The following SLC30A7 variants were observed in gnomAD, a reference collection of about 807,000 sequenced individuals.
SLC30A7 encodes the protein solute carrier family 30 member 7, also known as zinc transporter 7.
SLC30A7 carries 35 observed loss-of-function variants against 46.0 expected under a neutral mutation model. The ratio of observed to expected loss-of-function variants is 0.76; its 90% CI spans 0.58 to 1.01. SLC30A7 has a LOEUF of 1.01. Among genes scored for constraint, SLC30A7 ranks in the 50% least tolerant of loss-of-function variants. The probability of loss-of-function intolerance (pLI) is 0.00; values close to 1 mark genes in which losing one functional copy is unlikely to be tolerated. For synonymous variants in SLC30A7, 147 were observed against 157.8 expected, an observed-to-expected ratio of 0.93 and a Z score of 0.51; for missense variants, 464 against 451.1, an observed-to-expected ratio of 1.03 and a Z score of -0.26.
intron 8 of SLC30A7, among the ~76,000 whole-genome samples, chr1:100,928,836 C>T (rs922903802): frequency 6.6e-6 from 1 of 152,094 alleles, no homozygotes; most frequent in African/African-American, 2.4e-5. Context: ...AATTATTGAA[C>T]TTCTACTATA....
chr1:100,915,831 T>A (rs1391304123), intron 6 of SLC30A7, among the ~76,000 whole-genome samples: 3 of 152,218 alleles, frequency 2.0e-5, no homozygotes, highest in Non-Finnish European at 4.4e-5. Flanking sequence ...ATTATTGTTT[T>A]TTTGAGGACC....
chr1:100,901,181 A>G (rs1651286334), intron 2 of SLC30A7, among the ~76,000 whole-genome samples: 1 of 152,216 alleles, frequency 6.6e-6, no homozygotes, highest in African/African-American at 2.4e-5. Context: ...GCTAACGAGT[A>G]TTCAGGAGTC....
rs1032748339 is a variant in SLC30A7, at chr1:100,941,729, G to T, written c.842+19888G>T. 9.4e-6 allele frequency: 6 copies of T among 640,372 alleles called. No homozygotes were observed. The East Asian group carries it at 1.0e-4, about 11-fold the overall frequency. 39.7% of individuals were successfully genotyped at this position (640,372 alleles called of 1,614,324 possible). ...TCCACAACTCTTCCATCCACCTTGT[G>T]TAGCTTTGCATTCATGACTGCATCT... On this transcript the variant is annotated intron_variant, in intron 8 of 10. Coordinates refer to ENST00000357650, the MANE Select transcript of SLC30A7 (RefSeq NM_133496.5).
intron 8 of SLC30A7, among the ~76,000 whole-genome samples, chr1:100,943,254 G>A (rs1283668700): frequency 6.6e-6 from 1 of 152,058 alleles, no homozygotes; most frequent in East Asian, 1.9e-4. Context: ...CCCCCTCCTT[G>A]GATTCGATTA....
chr1:100,994,994 A>C, the SLC30A7 span: 1 of 675,638 alleles, frequency 1.5e-6, no homozygotes. Flanking sequence ...TAATGTTCAC[A>C]CTGTTAATGA....
At chr1:100,958,216 A>C (rs112562500) in intron 8 of SLC30A7, among the ~76,000 whole-genome samples, 9 of 151,450 alleles carry the variant, frequency 5.9e-5, no homozygotes, top group Admixed American at 5.9e-4. Context: ...TCGCTCTGTC[A>C]CCCAGGCTGG....
At chr1:100,995,291 A>G in the SLC30A7 span, 1 of 540,906 alleles carries the variant, frequency 1.8e-6, no homozygotes, top group South Asian at 2.2e-5. Flanking sequence ...TTACAGTAAC[A>G]TAGAGAAGAA....
At chr1:100,927,168 T>C (rs1557988432) in intron 8 of SLC30A7, among the ~76,000 whole-genome samples, 1 of 152,120 alleles carries the variant, frequency 6.6e-6, no homozygotes, top group Non-Finnish European at 1.5e-5. Context: ...GAAATTTGGG[T>C]GTCATCAGAT....
rs796414529 is a variant in SLC30A7 at position 100,915,149 on chromosome 1, C to CCCTT, written c.655+1346_655+1347insTCCT. ...CTTTTCTTTTCTTCTTTCTTTCCCT[C>CCCTT]CCTCCCTTCCTCACTTCTTTTCTTT... On this transcript the variant is annotated intron_variant, in intron 6 of 10. Coordinates refer to ENST00000357650, the MANE Select transcript of SLC30A7 (RefSeq NM_133496.5). Among the ~76,000 whole-genome samples, 113 of 151,004 alleles carry CCCTT rather than the reference C, an allele frequency of 7.5e-4. 5 individuals carry two copies. Among genetic ancestry groups the CCCTT allele is most frequent in the Middle Eastern group, 6.8e-3 (2 of 294 alleles).
chr1:100,924,303 T>C (rs1653141546), intron 8 of SLC30A7, among the ~76,000 whole-genome samples: 1 of 152,160 alleles, frequency 6.6e-6, no homozygotes, highest in African/African-American at 2.4e-5. Context: ...AGTAAGTTAG[T>C]TTTAGTTCCC....
chr1:100,896,251 C>G lies in SLC30A7; in HGVS notation c.-12C>G. On this transcript the variant is annotated 5_prime_UTR_variant, in exon 1 of 11. Coordinates refer to ENST00000357650, the MANE Select transcript of SLC30A7 (RefSeq NM_133496.5). ...GAGGGGAGTAGACCCGGCCCTTCGC[C>G]GGGCAGAGAAGATGTTGCCCCTGTC... The G allele has an allele frequency of 1.2e-6, 2 of 1,613,802 alleles. No homozygotes were observed. The highest frequency in any genetic ancestry group is 1.7e-6 in the Non-Finnish European group (2 of 1,179,646).
chr1:100,994,475 C>T, the SLC30A7 span, among the ~76,000 whole-genome samples: 4 of 151,498 alleles, frequency 2.6e-5, no homozygotes, highest in Non-Finnish European at 5.9e-5. Flanking sequence ...AAATAAGGCT[C>T]AGAGATGGAA....
intron 8 of SLC30A7, among the ~76,000 whole-genome samples, chr1:100,959,820 T>C (rs188667711): frequency 2.0e-5 from 3 of 152,288 alleles, no homozygotes; most frequent in East Asian, 3.9e-4. Context: ...GGCAGGGTCA[T>C]TGGGAGCCAT....
intron 10 of SLC30A7, among the ~76,000 whole-genome samples, chr1:100,968,181 C>G (rs1326531111): frequency 6.6e-6 from 1 of 151,976 alleles, no homozygotes; most frequent in African/African-American, 2.4e-5. Context: ...TCAAAATAGG[C>G]CAGGCATGGT....
the SLC30A7 span, chr1:100,989,884 G>A: frequency 1.3e-5 from 2 of 153,876 alleles, no homozygotes; most frequent in Non-Finnish European, 2.9e-5. Flanking sequence ...AACAACTGAT[G>A]ATATCATAGG....
At chr1:100,990,336 TG>T in the SLC30A7 span, 5 of 1,378,602 alleles carry the variant, frequency 3.6e-6, no homozygotes, top group Admixed American at 5.1e-5. Flanking sequence ...GAGACTTGGG[TG>T]GGGATACATC....
rs183564990 is a variant in SLC30A7 at position 100,962,819 on chromosome 1, T to G, written c.933+901T>G. Among the ~76,000 whole-genome samples, 804 of 152,324 alleles carry G rather than the reference T, an allele frequency of 5.3e-3. 3 individuals carry two copies. Among genetic ancestry groups the G allele is most frequent in the Non-Finnish European group, 6.7e-3 (457 of 68,006 alleles). ...AAAACCAGTTATGAAGTTATTGTCC[T>G]CTAAATGAAAAACAATGGTGGTTTA... On this transcript the variant is annotated intron_variant, in intron 9 of 10. Transcript: ENST00000357650.
chr1:100,913,690 A>T lies in SLC30A7; in HGVS notation c.539A>T (p.Asn180Ile), dbSNP rs765826916. ...SGHGHSHSLF[N>I]GALDQAHGHV... is the part of the protein sequence containing the mutation. ...CACGGACACAGTCATTCCCTCTTTA[A>T]TGGTGCTCTAGATCAGGCACATGGC... The change falls in exon 6 of 11, where the codon AAT becomes ATT. Residue 180 changes from asparagine (N) to isoleucine (I), a missense_variant. By Grantham distance (149) the Asn-to-Ile change is moderately radical (BLOSUM62 -3). Coordinates refer to ENST00000357650, the MANE Select transcript of SLC30A7 (RefSeq NM_133496.5). 1 of 1,613,848 alleles carries T rather than the reference A, an allele frequency of 6.2e-7. No homozygotes were observed. Among genetic ancestry groups the T allele is most frequent in the Non-Finnish European group, 8.5e-7 (1 of 1,179,814 alleles).
At chr1:100,898,774 C>T (rs970785634) in intron 2 of SLC30A7, among the ~76,000 whole-genome samples, 9 of 152,082 alleles carry the variant, frequency 5.9e-5, no homozygotes, top group Non-Finnish European at 7.4e-5. Context: ...TATCTGTGTT[C>T]CTGTAGGTTA....
Sources: gnomAD v4.1 joint callset for allele counts (sites outside exome capture counted in the v4.1 genomes callset) on GRCh38, gnomAD v4.1.1 for gene constraint, MANE v1.5 for transcripts, NCBI Gene and HGNC (gene_info 2026-07-23, HGNC 2026-07-21) for gene names.